Variants in SLX4IP observed in about 807,000 individuals in gnomAD.
SLX4IP encodes the protein protein SLX4IP.
In SLX4IP, 34 loss-of-function variants were observed where a neutral mutation model predicts 32.9. The observed-to-expected ratio is 1.03, with a 90% CI of 0.79 to 1.38. SLX4IP has a LOEUF of 1.38. Among genes scored for constraint, SLX4IP ranks in the 40% most tolerant of loss-of-function variants. SLX4IP has a pLI of 0.00. For missense variants in SLX4IP, 444 were observed against 479.0 expected (o/e 0.93, Z 0.68); for synonymous variants, 172 against 171.7 (o/e 1.00, Z -0.01).
chr20:10,510,696 C>G (rs1353595033), intron 2 of SLX4IP, among the ~76,000 whole-genome samples: 1 of 151,936 alleles, frequency 6.6e-6, no homozygotes, highest in Non-Finnish European at 1.5e-5. Context: ...CCTCCACCTC[C>G]CGGGTTCAAG....
At chr20:10,496,943 G>A (rs2065673200) in intron 2 of SLX4IP, among the ~76,000 whole-genome samples, 1 of 152,124 alleles carries the variant, frequency 6.6e-6, no homozygotes, top group Non-Finnish European at 1.5e-5. Context: ...AGCACATTTT[G>A]TTTAAACATT....
intron 2 of SLX4IP, among the ~76,000 whole-genome samples, chr20:10,544,052 T>C (rs900551783): frequency 6.6e-6 from 1 of 152,192 alleles, no homozygotes; most frequent in Non-Finnish European, 1.5e-5. Context: ...CAGGTAACTC[T>C]TGTGCTCCTC....
At chr20:10,472,767 C>T (rs150079550) in intron 2 of SLX4IP, among the ~76,000 whole-genome samples, 8 of 152,342 alleles carry the variant, frequency 5.3e-5, no homozygotes, top group African/African-American at 1.7e-4. Flanking sequence ...AGCACAGAGT[C>T]ACGACCCAGA....
At chr20:10,489,531 G>A (rs2065602391) in intron 2 of SLX4IP, among the ~76,000 whole-genome samples, 2 of 152,148 alleles carry the variant, frequency 1.3e-5, no homozygotes, top group Admixed American at 6.5e-5. Context: ...AAAACAAGAT[G>A]TATGAAATGT....
rs1001040420 is a variant in SLX4IP at position 10,626,345 on chromosome 20, C to T, written c.*2966C>T. Reference sequence around the variant, plus strand: ...ACCGCACCCGGCCTGTTTTGACATTCTTAATGATCTTAATAATTTGGCATC... The same window carrying T: ...ACCGCACCCGGCCTGTTTTGACATTTTTAATGATCTTAATAATTTGGCATC... On this transcript the variant is annotated 3_prime_UTR_variant, in exon 8 of 8. Coordinates refer to ENST00000334534, the MANE Select transcript of SLX4IP (RefSeq NM_001009608.3). 2 of 151,588 alleles carry T rather than the reference C, an allele frequency of 1.3e-5. No homozygotes were observed. Among genetic ancestry groups the T allele is most frequent in the East Asian group, 1.9e-4 (1 of 5,166 alleles). The allele number at this position is 151,588 out of a possible 1,614,324, so 9.4% of individuals were successfully genotyped here.
At chr20:10,598,106 G>A (rs572270353) in intron 4 of SLX4IP, among the ~76,000 whole-genome samples, 54 of 152,232 alleles carry the variant, frequency 3.5e-4, no homozygotes, top group African/African-American at 1.3e-3. Context: ...CTGAAAGTAC[G>A]TTAGACCTCA....
chr20:10,535,318 T>G (rs1204265082), intron 2 of SLX4IP, among the ~76,000 whole-genome samples: 1 of 152,076 alleles, frequency 6.6e-6, no homozygotes, highest in Non-Finnish European at 1.5e-5. Context: ...GGAAAGAACG[T>G]GCAGGTTTTG....
intron 4 of SLX4IP, 44 bp from the exon 5 acceptor site, chr20:10,598,631 C>A: frequency 6.4e-7 from 1 of 1,561,066 alleles, no homozygotes; most frequent in South Asian, 1.1e-5. Context: ...AGAGATTTAG[C>A]GGCAAACAAA....
intron 2 of SLX4IP, among the ~76,000 whole-genome samples, chr20:10,459,134 T>C (rs2065314257): frequency 6.6e-6 from 1 of 152,268 alleles, no homozygotes; most frequent in African/African-American, 2.4e-5. Flanking sequence ...TTTTTTCATA[T>C]ATTTGCTGGC....
chr20:10,604,814 T>G (rs1267577316), intron 6 of SLX4IP, among the ~76,000 whole-genome samples: 1 of 152,192 alleles, frequency 6.6e-6, no homozygotes, highest in African/African-American at 2.4e-5. Context: ...TATTATGAAA[T>G]GAGTCATTGT....
intron 4 of SLX4IP, among the ~76,000 whole-genome samples, chr20:10,571,889 G>A (rs117517924): frequency 0.03 from 4,601 of 152,236 alleles, 105 homozygotes; most frequent in Non-Finnish European, 0.046. Flanking sequence ...TTCTCATCTG[G>A]TTTTCAGAAA....
Position 10,606,203 on chromosome 20 carries a change from G to A in SLX4IP, c.405+4384G>A, listed in dbSNP as rs569933791. Among the ~76,000 whole-genome samples the A allele has an allele frequency of 2.6e-5, 4 of 152,256 alleles. No homozygotes were observed. In the South Asian group the frequency reaches 8.3e-4, roughly 32 times the overall value. ...AATTATGATTAGAAAAACTTCCAGGGTAGTTATATTTGATCTTAAGAAAGA... is the reference window on the plus strand; with the variant it reads ...AATTATGATTAGAAAAACTTCCAGGATAGTTATATTTGATCTTAAGAAAGA... On this transcript the variant is annotated intron_variant, in intron 6 of 7. Transcript: ENST00000334534.
intron 2 of SLX4IP, among the ~76,000 whole-genome samples, chr20:10,485,703 A>G (rs532200994): frequency 3.9e-5 from 6 of 152,066 alleles, no homozygotes; most frequent in Non-Finnish European, 8.8e-5. Flanking sequence ...AGCCTTACTG[A>G]TAACATAAAT....
chr20:10,554,085 C>A (rs967724618), intron 2 of SLX4IP, among the ~76,000 whole-genome samples: 1 of 152,198 alleles, frequency 6.6e-6, no homozygotes, highest in African/African-American at 2.4e-5. Flanking sequence ...ATAGTCTTAT[C>A]ACATACAAAG....
chr20:10,446,634 G>A (rs1801331699), intron 1 of SLX4IP, among the ~76,000 whole-genome samples: 1 of 152,006 alleles, frequency 6.6e-6, no homozygotes. Context: ...ACCAGCATTT[G>A]GTGTTATTGT....
chr20:10,479,352 C>CTTTTTTCTTTTTTT (rs1555807614), intron 2 of SLX4IP, among the ~76,000 whole-genome samples: 3 of 73,724 alleles, frequency 4.1e-5, no homozygotes, highest in Admixed American at 1.3e-4. Context: ...TTCCATATTT[C>CTTTTTTCTTTTTTT]TTTTTTTTTT....
At chr20:10,582,801 A>G (rs1461755106) in intron 4 of SLX4IP, among the ~76,000 whole-genome samples, 1 of 152,198 alleles carries the variant, frequency 6.6e-6, no homozygotes, top group Non-Finnish European at 1.5e-5. Flanking sequence ...AACATAATAA[A>G]AGATACTTTT....
chr20:10,474,543 C>T (rs1306251403), intron 2 of SLX4IP, among the ~76,000 whole-genome samples: 1 of 152,136 alleles, frequency 6.6e-6, no homozygotes, highest in Non-Finnish European at 1.5e-5. Flanking sequence ...ATTTACATCT[C>T]TGTGGAGTTT....
rs568752903 is a variant in SLX4IP at position 10,627,978 on chromosome 20, A to G, written c.*4599A>G. On this transcript the variant is annotated 3_prime_UTR_variant, in exon 8 of 8. Transcript: ENST00000334534. The stretch of plus-strand genomic sequence containing the variant: ...TGTGCATGCCTAGGGGATGAAACCT[A>G]TGTAATAGAAATGTACTGTTTTATG... The G allele has an allele frequency of 1.3e-5, 2 of 152,364 alleles. No individual in the cohort carries two copies. The highest frequency in any genetic ancestry group is 4.1e-4 in the South Asian group (2 of 4,832). The allele number at this position is 152,364 out of a possible 1,614,324, so 9.4% of individuals were successfully genotyped here.
Sources: allele counts gnomAD v4.1 joint callset (sites outside exome capture counted in the v4.1 genomes callset), GRCh38; gene constraint gnomAD v4.1.1; transcripts MANE v1.5; gene names NCBI Gene and HGNC (gene_info 2026-07-23, HGNC 2026-07-21).